Variants in AVPR1B observed in about 807,000 individuals in gnomAD.
AVPR1B encodes vasopressin V1b receptor.
In AVPR1B, 25 loss-of-function variants were observed where a neutral mutation model predicts 27.5. The ratio of observed to expected loss-of-function variants is 0.91; its 90% CI spans 0.66 to 1.27. AVPR1B has a LOEUF of 1.27. AVPR1B is among the 50% of genes most tolerant of loss of function. AVPR1B has a pLI of 0.00. For missense variants in AVPR1B, 595 were observed against 556.9 expected (o/e 1.07, Z -0.69); for synonymous variants, 248 against 240.2 (o/e 1.03, Z -0.30).
intron 1 of AVPR1B, among the ~76,000 whole-genome samples, chr1:206,111,678 G>A (rs1392403872): frequency 6.6e-6 from 1 of 152,210 alleles, no homozygotes; most frequent in Admixed American, 6.5e-5. Flanking sequence ...CACTGTGAAA[G>A]CTTCAGATGC....
chr1:206,113,546 T>C (rs1412177169), intron 1 of AVPR1B, among the ~76,000 whole-genome samples: 7 of 152,200 alleles, frequency 4.6e-5, no homozygotes, highest in African/African-American at 1.7e-4. Context: ...TGAATCACTC[T>C]ACACAAGTGA....
chr1:206,112,915 C>T (rs1663403402), intron 1 of AVPR1B, among the ~76,000 whole-genome samples: 1 of 152,166 alleles, frequency 6.6e-6, no homozygotes, highest in African/African-American at 2.4e-5. Flanking sequence ...GGACAAGCCC[C>T]CAAAACAAGC....
intron 1 of AVPR1B, 22 bp downstream of exon 1, chr1:206,115,929 C>A: frequency 6.4e-7 from 1 of 1,571,962 alleles, no homozygotes. Context: ...CACCTCACTG[C>A]CCCCACATAG....
Position 206,108,413 on chromosome 1 carries a change from G to A in AVPR1B, c.*1776C>T, listed in dbSNP as rs1663315733. Among the ~76,000 whole-genome samples the A allele has an allele frequency of 6.6e-6, 1 of 152,176 alleles. No individual in the cohort carries two copies. Among genetic ancestry groups the A allele is most frequent in the African/African-American group, 2.4e-5 (1 of 41,438 alleles). ...AGCAAGGCTCTTTTCTTTTTAGAAAGCCTCAGGAGGCTTCTTAGAGCTGAG... is the reference window on the plus strand; with the variant it reads ...AGCAAGGCTCTTTTCTTTTTAGAAAACCTCAGGAGGCTTCTTAGAGCTGAG... On this transcript the variant is annotated 3_prime_UTR_variant, in exon 2 of 2. Transcript: ENST00000367126.
At position 206,107,046 on chromosome 1, in the gene AVPR1B, C is replaced by G. The variant is rs1394495271; in HGVS notation, c.*3143G>C. On this transcript the variant is annotated 3_prime_UTR_variant, in exon 2 of 2. Coordinates refer to ENST00000367126, the MANE Select transcript of AVPR1B (RefSeq NM_000707.5). ...TATAGCCCTGTAGTAGATAAGTGAT[C>G]TATTTACATACAAAACACAGACACA... Among the ~76,000 whole-genome samples the G allele has an allele frequency of 6.6e-6, 1 of 152,214 alleles. No homozygotes were observed. Among genetic ancestry groups the G allele is most frequent in the Non-Finnish European group, 1.5e-5 (1 of 68,052 alleles).
At chr1:206,113,431 C>T (rs1663411817) in intron 1 of AVPR1B, among the ~76,000 whole-genome samples, 1 of 152,232 alleles carries the variant, frequency 6.6e-6, no homozygotes, top group South Asian at 2.1e-4. Flanking sequence ...GAATTTCTCC[C>T]CCAAGGGCTT....
rs1663311505 is a variant in AVPR1B at position 206,108,291 on chromosome 1, G to T, written c.*1898C>A. On this transcript the variant is annotated 3_prime_UTR_variant, in exon 2 of 2. Transcript: ENST00000367126. ...AGAACTCAGTGAGAGGGAGACTGTGGGTCCTCCCATCTGCCTGAGCCTTGG... is the reference window on the plus strand; with the variant it reads ...AGAACTCAGTGAGAGGGAGACTGTGTGTCCTCCCATCTGCCTGAGCCTTGG... Among the ~76,000 whole-genome samples, 2 of 152,196 alleles carry T rather than the reference G, an allele frequency of 1.3e-5. No homozygotes were observed. The highest frequency in any genetic ancestry group is 4.8e-5 in the African/African-American group (2 of 41,428).
At chr1:206,113,919 T>G (rs1553290176) in intron 1 of AVPR1B, among the ~76,000 whole-genome samples, 1 of 152,206 alleles carries the variant, frequency 6.6e-6, no homozygotes, top group Admixed American at 6.5e-5. Flanking sequence ...TTCCTTCTAT[T>G]CTGTGCTTGG....
chr1:206,111,063 G>A (rs1321609275), intron 1 of AVPR1B, among the ~76,000 whole-genome samples: 1 of 152,168 alleles, frequency 6.6e-6, no homozygotes, highest in Non-Finnish European at 1.5e-5. Flanking sequence ...CAGTCATTGA[G>A]TGTGTGGGCA....
Position 206,116,225 on chromosome 1 carries a change from G to A in AVPR1B, c.666C>T (p.Ile222=). 6.2e-7 allele frequency: 1 copy of A among 1,613,890 alleles called. No homozygotes were observed. Among genetic ancestry groups the A allele is most frequent in the Non-Finnish European group, 8.5e-7 (1 of 1,180,030 alleles). Reference sequence around the variant, plus strand: ...TTAGGTTTTTACAGATCTCATGGCAGATGAGGCTGTAGCAGGCCGTGAGCA... The same window carrying A: ...TTAGGTTTTTACAGATCTCATGGCAAATGAGGCTGTAGCAGGCCGTGAGCA... ...VTMLTACYSL[I]CHEICKNLKV... is the part of the protein sequence containing the mutation. Residue 222 remains isoleucine, a synonymous_variant, in exon 1 of 2, where the codon ATC becomes ATT. Transcript: ENST00000367126.
chr1:206,110,240 C>T lies in AVPR1B; in HGVS notation c.1224G>A (p.Arg408=). ...SGRPRPEESP[R]DLELADGEGT... ...CTTCCCCATCTGCCAGCTCCAAGTC[C>T]CTTGGTGACTCTTCAGGCCTGGGCC... The change falls in exon 2 of 2, where the codon AGG becomes AGA. Residue 408 remains arginine, a synonymous_variant. Coordinates refer to ENST00000367126, the MANE Select transcript of AVPR1B (RefSeq NM_000707.5). 1.9e-6 allele frequency: 3 copies of T among 1,613,928 alleles called. No homozygotes were observed. The highest frequency in any genetic ancestry group is 2.5e-6 in the Non-Finnish European group (3 of 1,179,926).
rs559968706 is a variant in AVPR1B, at chr1:206,110,009, C to A, written c.*180G>T. 1.5e-6 allele frequency: 1 copy of A among 670,736 alleles called. No homozygotes were observed. Among genetic ancestry groups the A allele is most frequent in the East Asian group, 2.8e-5 (1 of 35,948 alleles). The allele number at this position is 670,736 out of a possible 1,614,324, so 41.5% of individuals were successfully genotyped here. ...GAGATTGGGAGCTTATGAGGCAGCCCTCACACTAGGGGCAGCTGTGACACC... is the reference window on the plus strand; with the variant it reads ...GAGATTGGGAGCTTATGAGGCAGCCATCACACTAGGGGCAGCTGTGACACC... On this transcript the variant is annotated 3_prime_UTR_variant, in exon 2 of 2. Transcript: ENST00000367126.
chr1:206,109,316 G>A lies in AVPR1B; in HGVS notation c.*873C>T, dbSNP rs1455939193. ...AGGAGGTCTCCTCTGTGTAGCCCCC[G>A]GGGAAAGAGCAGGCTGGATTCCCTG... is the stretch of plus-strand genomic sequence containing the variant. On this transcript the variant is annotated 3_prime_UTR_variant, in exon 2 of 2. Coordinates refer to ENST00000367126, the MANE Select transcript of AVPR1B (RefSeq NM_000707.5). Among the ~76,000 whole-genome samples the A allele has an allele frequency of 4.6e-5, 7 of 152,112 alleles. No homozygotes were observed. Among genetic ancestry groups the A allele is most frequent in the South Asian group, 4.2e-4 (2 of 4,802 alleles).
chr1:206,114,879 A>G (rs1172433638), intron 1 of AVPR1B, among the ~76,000 whole-genome samples: 1 of 152,186 alleles, frequency 6.6e-6, no homozygotes, highest in Non-Finnish European at 1.5e-5. Context: ...GAGTAGGAGC[A>G]GAAGCAGGAT....
Position 206,116,859 on chromosome 1 carries a change from G to T in AVPR1B, c.32C>A (p.Pro11His), listed in dbSNP as rs782195800. 1.2e-6 allele frequency: 2 copies of T among 1,613,356 alleles called. No individual in the cohort carries two copies. Among genetic ancestry groups the T allele is most frequent in the Non-Finnish European group, 1.7e-6 (2 of 1,179,674 alleles). ...GGCAGAGAGGGTGCCCCGAGGGGTG[G>T]GGTTGGCATCCCACAGAGGCCCAGA... is the stretch of plus-strand genomic sequence containing the variant. MDSGPLWDAN[P>H]TPRGTLSAPN... The change falls in exon 1 of 2, where the codon CCC (proline) becomes CAC (histidine). Residue 11 changes from proline to histidine, a missense_variant. Coordinates refer to ENST00000367126, the MANE Select transcript of AVPR1B (RefSeq NM_000707.5).
At position 206,116,108 on chromosome 1, in the gene AVPR1B, C is replaced by G; in HGVS notation, c.783G>C (p.Gly261=). ...SPSTLAATTR[G]LPSRVSSINT... is the part of the protein sequence containing the mutation. The stretch of plus-strand genomic sequence containing the variant: ...TGATGCTGCTGACCCGAGATGGCAG[C>G]CCCCGAGTGGTGGCAGCTAAGGTGG... The change falls in exon 1 of 2, where the codon GGG becomes GGC. Residue 261 remains glycine (G), a synonymous_variant. Coordinates refer to ENST00000367126, the MANE Select transcript of AVPR1B (RefSeq NM_000707.5). 1 of 1,614,240 alleles carries G rather than the reference C, an allele frequency of 6.2e-7. No individual in the cohort carries two copies. The highest frequency in any genetic ancestry group is 2.2e-5 in the East Asian group (1 of 44,894).
In AVPR1B at chr1:206,109,387, C is replaced by T. The variant is rs1663331979; in HGVS notation, c.*802G>A. 6.6e-6 allele frequency among the ~76,000 whole-genome samples: 1 copy of T among 152,036 alleles called. No individual in the cohort carries two copies. Among genetic ancestry groups the T allele is most frequent in the African/African-American group, 2.4e-5 (1 of 41,370 alleles). ...AGGGAGGGCCACAAGTCCCTGCTGC[C>T]CTTGAGGCTTATTCTTGCTGTTAAT... is the stretch of plus-strand genomic sequence containing the variant. On this transcript the variant is annotated 3_prime_UTR_variant, in exon 2 of 2. Coordinates refer to ENST00000367126, the MANE Select transcript of AVPR1B (RefSeq NM_000707.5).
chr1:206,107,881 T>A lies in AVPR1B; in HGVS notation c.*2308A>T, dbSNP rs1168169478. ...GTGCTCTATCTCTAGTCTACAATCTTACAAATCCCTCCCAACAAAGTGGGC... is the reference window on the plus strand; with the variant it reads ...GTGCTCTATCTCTAGTCTACAATCTAACAAATCCCTCCCAACAAAGTGGGC... On this transcript the variant is annotated 3_prime_UTR_variant, in exon 2 of 2. Coordinates refer to ENST00000367126, the MANE Select transcript of AVPR1B (RefSeq NM_000707.5). Among the ~76,000 whole-genome samples, 2 of 152,214 alleles carry A rather than the reference T, an allele frequency of 1.3e-5. No homozygotes were observed. The highest frequency in any genetic ancestry group is 2.9e-5 in the Non-Finnish European group (2 of 68,034).
intron 1 of AVPR1B, among the ~76,000 whole-genome samples, chr1:206,115,590 G>T (rs1663449603): frequency 6.6e-6 from 1 of 152,222 alleles, no homozygotes. Context: ...GGCTGAGAGA[G>T]CAAGTTCATG....
Sources: allele counts gnomAD v4.1 joint callset (sites outside exome capture counted in the v4.1 genomes callset), GRCh38; gene constraint gnomAD v4.1.1; transcripts MANE v1.5; gene names NCBI Gene and HGNC (gene_info 2026-07-23, HGNC 2026-07-21).